Variants in AGAP1 observed in about 807,000 individuals in gnomAD.
AGAP1 encodes ArfGAP with GTPase domain, ankyrin repeat and PH domain 1.
Under a neutral mutation model 105.3 loss-of-function variants are expected in AGAP1, and 29 were observed. The ratio of observed to expected loss-of-function variants is 0.28; its 90% CI spans 0.21 to 0.38. AGAP1 has a LOEUF of 0.38. Among genes scored for constraint, AGAP1 ranks in the 10% least tolerant of loss-of-function variants. The pLI is 1.00. For synonymous variants in AGAP1, 509 were observed against 485.9 expected (o/e 1.05, Z -0.63); for missense variants, 998 against 1,165.1 (o/e 0.86, Z 2.09).
intron 16 of AGAP1, among the ~76,000 whole-genome samples, chr2:236,071,968 A>T (rs987914606): frequency 3.3e-5 from 5 of 152,170 alleles, no homozygotes; most frequent in African/African-American, 1.2e-4. Flanking sequence ...TTGTCCAAAG[A>T]CACCGGATGA....
Position 236,131,038 on chromosome 2 carries a change from T to TA in AGAP1, c.*6918dup, listed in dbSNP as rs1450343214. On this transcript the variant is annotated 3_prime_UTR_variant, in exon 18 of 18. Transcript: ENST00000304032. The surrounding 1 kb of genome is among the most constrained non-coding windows in gnomAD (Gnocchi z 5.9). ...GCATTTAGAAGCTGCTTCGTGGCGT[T>TA]AAGAACGGGGGGAGAGGGACCAGCA... 1 of 152,260 alleles carries TA rather than the reference T, an allele frequency of 6.6e-6. No homozygotes were observed. The highest frequency in any genetic ancestry group is 1.5e-5 in the Non-Finnish European group (1 of 68,078). 9.4% of individuals were successfully genotyped at this position (152,260 alleles called of 1,614,324 possible).
At chr2:235,568,337 C>T (rs1373044652) in intron 1 of AGAP1, among the ~76,000 whole-genome samples, 1 of 152,210 alleles carries the variant, frequency 6.6e-6, no homozygotes, top group Non-Finnish European at 1.5e-5. Context: ...GTGGGCCAGG[C>T]ACTTTGCGGA....
intron 1 of AGAP1, among the ~76,000 whole-genome samples, chr2:235,679,302 C>T (rs192592830): frequency 6.6e-6 from 1 of 152,268 alleles, no homozygotes; most frequent in Non-Finnish European, 1.5e-5. Context: ...ACGGGTTTTG[C>T]AAAAGACCTA....
intron 1 of AGAP1, among the ~76,000 whole-genome samples, chr2:235,618,179 A>C (rs1237383471): frequency 6.6e-6 from 1 of 152,144 alleles, no homozygotes; most frequent in Non-Finnish European, 1.5e-5. Flanking sequence ...GTAACCCATG[A>C]TATCCATGAG....
At chr2:235,835,796 G>T (rs1408863905) in intron 9 of AGAP1, among the ~76,000 whole-genome samples, 1 of 152,200 alleles carries the variant, frequency 6.6e-6, no homozygotes, top group South Asian at 2.1e-4. Context: ...GATTAAGGTA[G>T]AAAGTAATGA....
rs1230260687 is a variant in AGAP1, at chr2:235,633,468, C to T, written c.164-75711C>T. 6.6e-6 allele frequency among the ~76,000 whole-genome samples: 1 copy of T among 152,156 alleles called. No individual in the cohort carries two copies. The highest frequency in any genetic ancestry group is 1.5e-5 in the Non-Finnish European group (1 of 68,040). ...AATTAGCCAGGCATGGTGGCGGGCT[C>T]CTGTAATTCCAGCTACTCGGGGGCT... is the stretch of plus-strand genomic sequence containing the variant. On this transcript the variant is annotated intron_variant, in intron 1 of 17. Transcript: ENST00000304032. The surrounding 1 kb of genome is among the most constrained non-coding windows in gnomAD (Gnocchi z 4.8).
Position 235,934,222 on chromosome 2 carries a change from C to T in AGAP1, c.1483+3299C>T, listed in dbSNP as rs1265507705. Among the ~76,000 whole-genome samples the T allele has an allele frequency of 6.6e-6, 1 of 152,198 alleles. No individual in the cohort carries two copies. Among genetic ancestry groups the T allele is most frequent in the African/African-American group, 2.4e-5 (1 of 41,456 alleles). Reference sequence around the variant, plus strand: ...ATGGGACCAGGCAACCTGTGTATAGCAAGCCCTCTGGGATCACATGGCATG... The same window carrying T: ...ATGGGACCAGGCAACCTGTGTATAGTAAGCCCTCTGGGATCACATGGCATG... On this transcript the variant is annotated intron_variant, in intron 12 of 17. Coordinates refer to ENST00000304032, the MANE Select transcript of AGAP1 (RefSeq NM_001037131.3). The surrounding 1 kb of genome is among the most constrained non-coding windows in gnomAD (Gnocchi z 4.9).
chr2:235,507,696 A>G (rs1941884419), intron 1 of AGAP1: 1 of 152,208 alleles, frequency 6.6e-6, no homozygotes, highest in Admixed American at 6.5e-5. Flanking sequence ...AGGAGCCTGC[A>G]GCCTGGAGAG....
intron 9 of AGAP1, among the ~76,000 whole-genome samples, chr2:235,819,897 TTTC>T (rs1332962251): frequency 1.5e-4 from 21 of 142,278 alleles, no homozygotes; most frequent in African/African-American, 4.7e-4. Flanking sequence ...TTTTTTCTTC[TTTC>T]TTTCTTTTTT....
At chr2:235,779,767 T>A (rs1956144419) in intron 6 of AGAP1, among the ~76,000 whole-genome samples, 1 of 152,144 alleles carries the variant, frequency 6.6e-6, no homozygotes, top group Non-Finnish European at 1.5e-5. Context: ...AAAGATACAA[T>A]GAATTAAATT....
chr2:235,579,135 G>A lies in AGAP1; in HGVS notation c.163+84286G>A, dbSNP rs563719977. The stretch of plus-strand genomic sequence containing the variant: ...AGTGGAGCGCTCATTTTTGTGGCTG[G>A]TTTACTGTCGTAAAACTTTCGTATA... On this transcript the variant is annotated intron_variant, in intron 1 of 17. Coordinates refer to ENST00000304032, the MANE Select transcript of AGAP1 (RefSeq NM_001037131.3). Among the ~76,000 whole-genome samples, 11 of 152,280 alleles carry A rather than the reference G, an allele frequency of 7.2e-5. No homozygotes were observed. The East Asian group carries it at 1.9e-3, about 27-fold the overall frequency.
intron 11 of AGAP1, among the ~76,000 whole-genome samples, chr2:235,911,136 T>G (rs2051590476): frequency 6.6e-6 from 1 of 152,168 alleles, no homozygotes; most frequent in South Asian, 2.1e-4. Context: ...AAATAAAAAT[T>G]TATTGATCTT....
intron 8 of AGAP1, among the ~76,000 whole-genome samples, chr2:235,802,997 G>GAT (rs1476607625): frequency 2.7e-5 from 4 of 146,160 alleles, no homozygotes; most frequent in Non-Finnish European, 6.1e-5. Context: ...TTGTGATGGT[G>GAT]GTGATGGTTG....
At chr2:235,856,920 G>A (rs553713101) in intron 9 of AGAP1, among the ~76,000 whole-genome samples, 5 of 152,384 alleles carry the variant, frequency 3.3e-5, no homozygotes, top group Non-Finnish European at 5.9e-5. Context: ...CCGGTTGGAC[G>A]TGGTAGATGT....
rs2050102699 is a variant in AGAP1, at chr2:235,882,919, C to G, written c.1051-426C>G. 6.6e-6 allele frequency among the ~76,000 whole-genome samples: 1 copy of G among 152,004 alleles called. No individual in the cohort carries two copies. The highest frequency in any genetic ancestry group is 1.5e-5 in the Non-Finnish European group (1 of 68,010). Reference sequence around the variant, plus strand: ...CCTCAACCTCCTGGGCTCAAGAGATCCTCCCACCTCAACCCCCCACGTAAC... The same window carrying G: ...CCTCAACCTCCTGGGCTCAAGAGATGCTCCCACCTCAACCCCCCACGTAAC... On this transcript the variant is annotated intron_variant, in intron 9 of 17. Coordinates refer to ENST00000304032, the MANE Select transcript of AGAP1 (RefSeq NM_001037131.3). This position sits in a 1 kb window ranked among gnomAD's most constrained non-coding sequence, Gnocchi z 4.6.
In AGAP1 at chr2:235,908,830, C is replaced by T. The variant is rs1240371812; in HGVS notation, c.1248C>T (p.Ala416=). Residue 416 remains alanine, a synonymous_variant, in exon 11 of 18, where the codon GCC becomes GCT. Coordinates refer to ENST00000304032, the MANE Select transcript of AGAP1 (RefSeq NM_001037131.3). This position sits in a 1 kb window ranked among gnomAD's most constrained non-coding sequence, Gnocchi z 4.4. ...AGAGGCCACCCCGAGCCACGTCAGC[C>T]TGCGCACCCATCTCCAGCCCTAAAA... The part of the protein sequence containing the change: ...PGKRPPRATS[A]CAPISSPKTN... 3 of 1,614,086 alleles carry T rather than the reference C, an allele frequency of 1.9e-6. No homozygotes were observed. In the Admixed American group the frequency reaches 5.0e-5, roughly 27 times the overall value.
intron 17 of AGAP1, among the ~76,000 whole-genome samples, chr2:236,122,799 C>T (rs2125983812): frequency 6.6e-6 from 1 of 151,136 alleles, no homozygotes; most frequent in African/African-American, 2.4e-5. Context: ...TCTCCTGCCT[C>T]AGCCTCCTGA....
intron 1 of AGAP1, among the ~76,000 whole-genome samples, chr2:235,562,386 C>T (rs138798471): frequency 1.1e-3 from 165 of 152,146 alleles, no homozygotes; most frequent in Non-Finnish European, 1.8e-3. Flanking sequence ...GATGGTTCCC[C>T]GAAGCCCCCT....
rs746003887 is a variant in AGAP1 at position 236,001,444 on chromosome 2, G to A, written c.1645+32821G>A. On this transcript the variant is annotated intron_variant, in intron 13 of 17. Transcript: ENST00000304032. The surrounding 1 kb of genome is among the most constrained non-coding windows in gnomAD (Gnocchi z 4.7). The stretch of plus-strand genomic sequence containing the variant: ...TGGCTACTAACGTGAGCCTGTTAAC[G>A]TTGAAAATTTCCCTCTGGCGGCTGG... Among the ~76,000 whole-genome samples the A allele has an allele frequency of 5.3e-5, 8 of 152,170 alleles. No homozygotes were observed. Among genetic ancestry groups the A allele is most frequent in the Non-Finnish European group, 8.8e-5 (6 of 68,028 alleles).
Sources: allele counts gnomAD v4.1 joint callset (sites outside exome capture counted in the v4.1 genomes callset), GRCh38; gene constraint gnomAD v4.1.1; non-coding constraint Gnocchi (gnomAD v3.1); transcripts MANE v1.5; gene names NCBI Gene and HGNC (gene_info 2026-07-23, HGNC 2026-07-21).